The following SLC41A3 variants were observed in gnomAD, a reference collection of about 807,000 sequenced individuals.
SLC41A3 encodes the protein solute carrier family 41 member 3, also known as SLC41A1-like 2.
SLC41A3 carries 44 observed loss-of-function variants against 45.4 expected under a neutral mutation model. The ratio of observed to expected loss-of-function variants is 0.97; its 90% CI spans 0.76 to 1.25. The LOEUF is 1.25. Among genes scored for constraint, SLC41A3 ranks in the 50% most tolerant of loss-of-function variants. The pLI is 0.00. For missense variants in SLC41A3, 550 were observed against 600.6 expected (o/e 0.92, Z 0.88); for synonymous variants, 256 against 252.4 (o/e 1.01, Z -0.13).
At chr3:126,053,972 T>C (rs1015410883) in intron 2 of SLC41A3, among the ~76,000 whole-genome samples, 1 of 152,172 alleles carries the variant, frequency 6.6e-6, no homozygotes, top group Non-Finnish European at 1.5e-5. Flanking sequence ...TATCAGTCAT[T>C]GGGGAGGCTG....
rs1576249663 is a variant in SLC41A3 at position 126,026,939 on chromosome 3, C to T, written c.454-460G>A. ...TTTTGGTCTCTCCTTTGGCACCCTGCTCACACCCTCCCCTTCCAGGCTCTG... is the reference window on the plus strand; with the variant it reads ...TTTTGGTCTCTCCTTTGGCACCCTGTTCACACCCTCCCCTTCCAGGCTCTG... On this transcript the variant is annotated intron_variant, in intron 4 of 10. Coordinates refer to ENST00000360370, the MANE Select transcript of SLC41A3 (RefSeq NM_017836.4). The surrounding 1 kb of genome is among the most constrained non-coding windows in gnomAD (Gnocchi z 4.2). Among the ~76,000 whole-genome samples, 1 of 152,194 alleles carries T rather than the reference C, an allele frequency of 6.6e-6. No homozygotes were observed. The highest frequency in any genetic ancestry group is 1.5e-5 in the Non-Finnish European group (1 of 68,038).
intron 3 of SLC41A3, among the ~76,000 whole-genome samples, chr3:126,036,668 T>A (rs1942218474): frequency 6.6e-6 from 1 of 152,150 alleles, no homozygotes; most frequent in South Asian, 2.1e-4. Context: ...TGCCCACCTG[T>A]ATATCACCTC....
In SLC41A3 at chr3:126,038,644, C is replaced by T. The variant is rs1219594029; in HGVS notation, c.382-4966G>A. ...CATTGCATCTTGGGAGTAAATCACT[C>T]ATAAGTGGAAGAAATGTGCACTCGG... On this transcript the variant is annotated intron_variant, in intron 3 of 10. Coordinates refer to ENST00000360370, the MANE Select transcript of SLC41A3 (RefSeq NM_017836.4). Among the ~76,000 whole-genome samples the T allele has an allele frequency of 2.0e-5, 3 of 152,178 alleles. No homozygotes were observed. In the East Asian group the frequency reaches 5.8e-4, roughly 29 times the overall value.
chr3:126,046,369 A>ACACACT (rs1186535277), intron 3 of SLC41A3, among the ~76,000 whole-genome samples: 1 of 152,002 alleles, frequency 6.6e-6, no homozygotes, highest in Non-Finnish European at 1.5e-5. Flanking sequence ...ACACACACAC[A>ACACACT]CACACACACA....
At chr3:126,059,713 G>A (rs897971012) in intron 2 of SLC41A3, among the ~76,000 whole-genome samples, 1 of 152,152 alleles carries the variant, frequency 6.6e-6, no homozygotes, top group African/African-American at 2.4e-5. Flanking sequence ...AGATTGAACC[G>A]GCAGGAGGCA....
chr3:126,014,974 C>CCCAG (rs1284108649), intron 8 of SLC41A3, among the ~76,000 whole-genome samples: 1 of 152,180 alleles, frequency 6.6e-6, no homozygotes, highest in African/African-American at 2.4e-5. Flanking sequence ...GAAGCACAGT[C>CCCAG]CTGGATCTGT....
At chr3:126,012,776 C>T (rs1369648370) in intron 8 of SLC41A3, 27 bp from the exon 9 acceptor site, 1 of 1,613,524 alleles carries the variant, frequency 6.2e-7, no homozygotes, top group Non-Finnish European at 8.5e-7. Flanking sequence ...AATCTGTTTT[C>T]CCTTTCTTTA....
chr3:126,080,993 C>T (rs774761393), intron 1 of SLC41A3, among the ~76,000 whole-genome samples: 26 of 151,942 alleles, frequency 1.7e-4, no homozygotes, highest in African/African-American at 3.4e-4. Flanking sequence ...CCATATGATC[C>T]GGCAATCCCA....
chr3:126,047,384 T>C (rs2107857623), intron 3 of SLC41A3, among the ~76,000 whole-genome samples: 1 of 152,286 alleles, frequency 6.6e-6, no homozygotes, highest in East Asian at 1.9e-4. Context: ...AAGAACTAAA[T>C]GCTGTATTTT....
At chr3:126,047,256 A>G (rs1206507002) in intron 3 of SLC41A3, among the ~76,000 whole-genome samples, 1 of 151,496 alleles carries the variant, frequency 6.6e-6, no homozygotes, top group African/African-American at 2.4e-5. Flanking sequence ...CCAGCTACTC[A>G]GGAGGCTGAG....
rs138008259 is a variant in SLC41A3, at chr3:126,038,498, C to T, written c.382-4820G>A. On this transcript the variant is annotated intron_variant, in intron 3 of 10. Transcript: ENST00000360370. ...GACATGGAGTCAAGGGAGATTATTA[C>T]GGAGCTTTAAAATGTAATGCCTGTC... Among the ~76,000 whole-genome samples the T allele has an allele frequency of 7.5e-3, 1,145 of 152,338 alleles. 16 individuals are homozygous for T. The highest frequency in any genetic ancestry group is 0.024 in the Middle Eastern group (7 of 294).
At chr3:126,065,473 G>A (rs965883027) in intron 2 of SLC41A3, among the ~76,000 whole-genome samples, 2 of 152,208 alleles carry the variant, frequency 1.3e-5, no homozygotes, top group Non-Finnish European at 2.9e-5. Context: ...CCAACAAACC[G>A]ATGCAGACCA....
chr3:126,095,868 G>A (rs1008792883), intron 1 of SLC41A3, among the ~76,000 whole-genome samples: 4 of 152,144 alleles, frequency 2.6e-5, no homozygotes, highest in East Asian at 1.9e-4. Flanking sequence ...TGAACAAAAC[G>A]GTCAGATGGT....
intron 4 of SLC41A3, among the ~76,000 whole-genome samples, chr3:126,032,347 G>A (rs546522107): frequency 5.9e-5 from 9 of 152,320 alleles, no homozygotes; most frequent in Non-Finnish European, 7.3e-5. Flanking sequence ...GAGGAGAAGC[G>A]GAATTCATGC....
intron 8 of SLC41A3, among the ~76,000 whole-genome samples, chr3:126,012,957 C>T (rs1010850538): frequency 1.3e-5 from 2 of 152,134 alleles, no homozygotes; most frequent in Admixed American, 1.3e-4. Context: ...CAGGGAGTAA[C>T]TGCATCACCT....
chr3:126,056,526 C>G, intron 2 of SLC41A3: 1 of 1,614,070 alleles, frequency 6.2e-7, no homozygotes, highest in Non-Finnish European at 8.5e-7. Flanking sequence ...GAAAGCAAAA[C>G]TCCAGATTCA....
At chr3:126,051,486 G>A (rs1163076318) in intron 2 of SLC41A3, among the ~76,000 whole-genome samples, 1 of 152,190 alleles carries the variant, frequency 6.6e-6, no homozygotes, top group Non-Finnish European at 1.5e-5. Context: ...TGCAGGCCCT[G>A]CCTCCCTCTG....
intron 6 of SLC41A3, among the ~76,000 whole-genome samples, chr3:126,019,437 GTC>G (rs1437637887): frequency 6.6e-6 from 1 of 152,148 alleles, no homozygotes; most frequent in Admixed American, 6.5e-5. Context: ...CCAAATTCAT[GTC>G]TTTCTCACAT....
At position 126,026,160 on chromosome 3, in the gene SLC41A3, G is replaced by A. The variant is rs1415340610; in HGVS notation, c.598+175C>T. 2.7e-5 allele frequency: 25 copies of A among 917,286 alleles called. No individual in the cohort carries two copies. The highest frequency in any genetic ancestry group is 3.9e-5 in the Non-Finnish European group (24 of 615,804). 56.8% of individuals were successfully genotyped at this position (917,286 alleles called of 1,614,324 possible). On this transcript the variant is annotated intron_variant, in intron 5 of 10. Transcript: ENST00000360370. The surrounding 1 kb of genome is among the most constrained non-coding windows in gnomAD (Gnocchi z 4.2). The stretch of plus-strand genomic sequence containing the variant: ...CCTGCCTGGGTGAGGGCACAAGGTG[G>A]GCCATGAAGACCCAGCTGGCTCGTC...
Sources: allele counts gnomAD v4.1 joint callset (sites outside exome capture counted in the v4.1 genomes callset), GRCh38; gene constraint gnomAD v4.1.1; non-coding constraint Gnocchi (gnomAD v3.1); transcripts MANE v1.5; gene names NCBI Gene and HGNC (gene_info 2026-07-23, HGNC 2026-07-21).